Variants in PCDHGA9 observed in about 807,000 individuals in gnomAD.
PCDHGA9 encodes the protein protocadherin gamma-A9.
PCDHGA9 carries 37 observed loss-of-function variants against 62.5 expected under a neutral mutation model. The ratio of observed to expected loss-of-function variants is 0.59; its 90% CI spans 0.46 to 0.78. The LOEUF (loss-of-function observed/expected upper bound fraction) is 0.78. PCDHGA9 is among the 30% of genes least tolerant of loss of function. The pLI is 0.00. For missense variants in PCDHGA9, 1,138 were observed against 1,166.2 expected, an observed-to-expected ratio of 0.98 and a Z score of 0.35; for synonymous variants, 459 against 484.6, an observed-to-expected ratio of 0.95 and a Z score of 0.69.
In PCDHGA9 at chr5:141,403,697, G is replaced by A. The variant is rs1230785832; in HGVS notation, c.745G>A (p.Val249Ile). The A allele has an allele frequency of 3.1e-6, 5 of 1,613,830 alleles. No individual in the cohort carries two copies. Among genetic ancestry groups the A allele is most frequent in the Admixed American group, 1.7e-5 (1 of 60,014 alleles). The change falls in exon 1 of 4, where the codon GTT (valine) becomes ATT (isoleucine). Residue 249 changes from valine to isoleucine, a missense_variant. By Grantham distance (29) the Val-to-Ile change is conservative. Transcript: ENST00000573521. ...GGTTTTTGCTCAACGGATTTACCGA[G>A]TTAAAGTCCTTGAGAACGTGCCCCC... Reference protein sequence around the residue: ...APVFAQRIYRVKVLENVPPGT... With the variant: ...APVFAQRIYRIKVLENVPPGT...
intron 1 of PCDHGA9, among the ~76,000 whole-genome samples, chr5:141,460,628 G>C (rs2098993821): frequency 6.6e-6 from 1 of 151,958 alleles, no homozygotes; most frequent in African/African-American, 2.4e-5. Flanking sequence ...GACAGATACA[G>C]ATATATAACT....
At chr5:141,422,333 T>C in intron 1 of PCDHGA9, 1 of 1,549,594 alleles carries the variant, frequency 6.5e-7, no homozygotes, top group Non-Finnish European at 8.7e-7. Flanking sequence ...GTGATTGCTC[T>C]TCTAAATGTG....
rs2233607 is a variant in PCDHGA9 at position 141,490,647 on chromosome 5, G to A, written c.2425-4160G>A. The A allele has an allele frequency of 2.5e-3, 3,973 of 1,614,082 alleles. 41 individuals carry two copies. The African/African-American group carries it at 0.027, about 11-fold the overall frequency. ...CTTACATCCTAGAAAACCGGCCTCC[G>A]GGCTCCCTTCTTTGCACTGTGGCTG... is the stretch of plus-strand genomic sequence containing the variant. On this transcript the variant is annotated intron_variant, in intron 1 of 3. Transcript: ENST00000573521. The surrounding 1 kb of genome is among the most constrained non-coding windows in gnomAD (Gnocchi z 5.4).
At chr5:141,419,547 T>C (rs2096397603) in intron 1 of PCDHGA9, 6 of 1,612,070 alleles carry the variant, frequency 3.7e-6, no homozygotes, top group Non-Finnish European at 5.1e-6. Context: ...CCGCGGGTGC[T>C]GTACCCTGCG....
At chr5:141,430,301 C>G (rs985986465) in intron 1 of PCDHGA9, among the ~76,000 whole-genome samples, 2 of 150,982 alleles carry the variant, frequency 1.3e-5, no homozygotes, top group Non-Finnish European at 2.9e-5. Context: ...AGCAGATGCA[C>G]TAACATTATA....
chr5:141,413,895 T>A (rs749075692), intron 1 of PCDHGA9: 2 of 1,613,308 alleles, frequency 1.2e-6, no homozygotes, highest in South Asian at 2.2e-5. Flanking sequence ...TCGATGCAAA[T>A]GACAACGCGC....
intron 1 of PCDHGA9, chr5:141,408,377 C>A: frequency 6.2e-7 from 1 of 1,614,020 alleles, no homozygotes; most frequent in Non-Finnish European, 8.5e-7. Flanking sequence ...GCTCAGTGTC[C>A]TGGATGTGTC....
chr5:141,410,023 C>T (rs1172248089), intron 1 of PCDHGA9: 1 of 1,613,310 alleles, frequency 6.2e-7, no homozygotes, highest in South Asian at 1.1e-5. Flanking sequence ...TGTCCTACCA[C>T]GTGCTGCAGG....
intron 1 of PCDHGA9, among the ~76,000 whole-genome samples, chr5:141,455,860 ATTATTTATTTAT>A (rs145569377): frequency 0.023 from 3,231 of 139,812 alleles, 82 homozygotes; most frequent in African/African-American, 0.066. Context: ...AATTTCTTTT[ATTATTTATTTAT>A]TTATTTATTT....
chr5:141,487,643 C>T lies in PCDHGA9; in HGVS notation c.2425-7164C>T. 1.2e-6 allele frequency: 2 copies of T among 1,614,104 alleles called. No homozygotes were observed. The highest frequency in any genetic ancestry group is 1.7e-6 in the Non-Finnish European group (2 of 1,179,986). Reference sequence around the variant, plus strand: ...GAGACCTTTGCAGGCTCAACAAATGCTTGAGGGTTATTCTGATCCAGGCAT... The same window carrying T: ...GAGACCTTTGCAGGCTCAACAAATGTTTGAGGGTTATTCTGATCCAGGCAT... On this transcript the variant is annotated intron_variant, in intron 1 of 3. Transcript: ENST00000573521. The surrounding 1 kb of genome is among the most constrained non-coding windows in gnomAD (Gnocchi z 5.0).
intron 1 of PCDHGA9, chr5:141,430,441 C>A (rs1168234012): frequency 5.2e-6 from 1 of 192,346 alleles, no homozygotes; most frequent in Non-Finnish European, 1.0e-5. Flanking sequence ...GATTTCCATC[C>A]CCTTTTGAAG....
intron 1 of PCDHGA9, chr5:141,413,021 C>A: frequency 2.8e-6 from 2 of 714,374 alleles, no homozygotes; most frequent in Non-Finnish European, 4.4e-6. Context: ...TACACAAGCC[C>A]CACAAACCGG....
chr5:141,409,862 G>A (rs1359567076), intron 1 of PCDHGA9: 19 of 1,612,352 alleles, frequency 1.2e-5, no homozygotes, highest in Non-Finnish European at 1.5e-5. Flanking sequence ...GTTGGTGGGA[G>A]ACCGCAATGA....
intron 1 of PCDHGA9, chr5:141,442,378 GGT>G (rs2098320015): frequency 6.6e-6 from 1 of 152,334 alleles, no homozygotes; most frequent in Middle Eastern, 3.4e-3. Context: ...ATTCCTACCA[GGT>G]GTGTGCTTCT....
At chr5:141,455,330 G>T (rs2098819667) in intron 1 of PCDHGA9, among the ~76,000 whole-genome samples, 1 of 152,042 alleles carries the variant, frequency 6.6e-6, no homozygotes, top group South Asian at 2.1e-4. Context: ...GTGTGTTTGT[G>T]GTTTTAAGGA....
chr5:141,449,537 C>T (rs1377909573), intron 1 of PCDHGA9, among the ~76,000 whole-genome samples: 1 of 146,330 alleles, frequency 6.8e-6, no homozygotes, highest in Non-Finnish European at 1.5e-5. Flanking sequence ...TGCAGTGAGC[C>T]GAGATCGCAC....
chr5:141,428,305 G>T (rs751498223), intron 1 of PCDHGA9: 8 of 694,348 alleles, frequency 1.2e-5, no homozygotes. Flanking sequence ...GATTTACCTG[G>T]TCGTGGCCTT....
chr5:141,416,233 C>T (rs1313671195), intron 1 of PCDHGA9: 1 of 152,210 alleles, frequency 6.6e-6, no homozygotes, highest in Non-Finnish European at 1.5e-5. Flanking sequence ...ATTTTTCCAG[C>T]CCTATTTATA....
At chr5:141,442,694 C>A (rs549307212) in intron 1 of PCDHGA9, among the ~76,000 whole-genome samples, 22 of 152,304 alleles carry the variant, frequency 1.4e-4, no homozygotes, top group Non-Finnish European at 3.1e-4. Flanking sequence ...GTCAGGCAGA[C>A]AAGAGTATCA....
Sources: gnomAD v4.1 joint callset for allele counts (sites outside exome capture counted in the v4.1 genomes callset) on GRCh38, gnomAD v4.1.1 for gene constraint, Gnocchi (gnomAD v3.1) non-coding constraint, MANE v1.5 for transcripts, NCBI Gene and HGNC (gene_info 2026-07-23, HGNC 2026-07-21) for gene names.